Variants in COL19A1 observed in about 807,000 individuals in gnomAD.
COL19A1 encodes collagen alpha-1(XIX) chain.
A neutral mutation model predicts 190.2 loss-of-function variants in COL19A1; 159 were observed. The observed-to-expected ratio is 0.84, with a 90% CI of 0.73 to 0.95. The LOEUF is 0.95. Among genes scored for constraint, COL19A1 ranks in the 40% least tolerant of loss-of-function variants. COL19A1 has a pLI of 0.00. For synonymous variants in COL19A1, 509 were observed against 458.9 expected (o/e 1.11, Z -1.39); for missense variants, 1,418 against 1,431.9 (o/e 0.99, Z 0.16).
chr6:70,207,316 C>T lies in COL19A1; in HGVS notation c.*42C>T. 6.3e-7 allele frequency: 1 copy of T among 1,586,182 alleles called. No homozygotes were observed. The highest frequency in any genetic ancestry group is 8.6e-7 in the Non-Finnish European group (1 of 1,165,622). The stretch of plus-strand genomic sequence containing the variant: ...CTTGGTTCCTGGTAACATTTCCTTG[C>T]CACTGGAGCTCTCTTAATACCGTCA... On this transcript the variant is annotated 3_prime_UTR_variant, in exon 51 of 51. Coordinates refer to ENST00000620364, the MANE Select transcript of COL19A1 (RefSeq NM_001858.6).
intron 14 of COL19A1, among the ~76,000 whole-genome samples, chr6:70,054,306 C>T (rs1429442095): frequency 2.0e-5 from 3 of 152,112 alleles, no homozygotes; most frequent in South Asian, 2.1e-4. Flanking sequence ...GCTGGAATTG[C>T]GCCACTGTAC....
intron 2 of COL19A1, chr6:69,890,704 G>A (rs985362812): frequency 6.6e-6 from 1 of 152,146 alleles, no homozygotes; most frequent in Non-Finnish European, 1.5e-5. Context: ...ACATTTAACT[G>A]GGAATCCTGT....
intron 49 of COL19A1, among the ~76,000 whole-genome samples, chr6:70,201,795 G>A (rs560635659): frequency 6.6e-6 from 1 of 152,230 alleles, no homozygotes; most frequent in Non-Finnish European, 1.5e-5. Context: ...CAGTACAGTA[G>A]GCATGCTGTA....
chr6:70,157,149 A>G (rs111499690), intron 34 of COL19A1, among the ~76,000 whole-genome samples: 301 of 152,242 alleles, frequency 2.0e-3, no homozygotes, highest in African/African-American at 6.6e-3. Flanking sequence ...GGGTACCACT[A>G]AACTCTGATT....
At chr6:70,045,186 G>T (rs1396345928) in intron 14 of COL19A1, among the ~76,000 whole-genome samples, 1 of 151,882 alleles carries the variant, frequency 6.6e-6, no homozygotes, top group Non-Finnish European at 1.5e-5. Flanking sequence ...GGTGGTGCAT[G>T]CCTGTAACCC....
intron 15 of COL19A1, among the ~76,000 whole-genome samples, chr6:70,072,548 C>A (rs893617735): frequency 6.6e-6 from 1 of 152,162 alleles, no homozygotes; most frequent in East Asian, 1.9e-4. Flanking sequence ...CTCTATCCTG[C>A]CCTGTCTTGC....
At position 70,144,630 on chromosome 6, in the gene COL19A1, G is replaced by T. The variant is rs532052258; in HGVS notation, c.1681-288G>T. Among the ~76,000 whole-genome samples, 16 of 152,254 alleles carry T rather than the reference G, an allele frequency of 1.1e-4. No individual in the cohort carries two copies. The South Asian group carries it at 3.1e-3, about 30-fold the overall frequency. ...GAGAATAACTTAAAGAAAACATAAA[G>T]ATCGTCTATAGAAATTTATTAATAG... On this transcript the variant is annotated intron_variant, in intron 24 of 50. Coordinates refer to ENST00000620364, the MANE Select transcript of COL19A1 (RefSeq NM_001858.6).
intron 49 of COL19A1, among the ~76,000 whole-genome samples, chr6:70,204,700 A>G (rs967180434): frequency 3.9e-5 from 6 of 152,042 alleles, no homozygotes; most frequent in Non-Finnish European, 8.8e-5. Context: ...ATTGCGTTAC[A>G]CTCTTGTTAA....
At chr6:70,065,821 A>G (rs982537307) in intron 14 of COL19A1, among the ~76,000 whole-genome samples, 1 of 152,252 alleles carries the variant, frequency 6.6e-6, no homozygotes, top group African/African-American at 2.4e-5. Context: ...CACTTCTCAA[A>G]AGAAGATATT....
At chr6:70,000,618 G>A (rs2144955) in intron 11 of COL19A1, among the ~76,000 whole-genome samples, 128,197 of 152,212 alleles carry the variant, frequency 0.84, 54,662 homozygotes, top group East Asian at 1. Context: ...TCTAATGATC[G>A]GTGATGTTGA....
At chr6:70,115,759 A>C (rs1389663170) in intron 16 of COL19A1, among the ~76,000 whole-genome samples, 1 of 151,266 alleles carries the variant, frequency 6.6e-6, no homozygotes, top group Non-Finnish European at 1.5e-5. Context: ...GGCTTTAGGA[A>C]TCACATTTTA....
In COL19A1 at chr6:70,048,275, C is replaced by T. The variant is rs566323137; in HGVS notation, c.1170+12336C>T. 2.1e-4 allele frequency among the ~76,000 whole-genome samples: 32 copies of T among 152,176 alleles called. No individual in the cohort carries two copies. In the East Asian group the frequency reaches 4.1e-3, roughly 19 times the overall value. The stretch of plus-strand genomic sequence containing the variant: ...TCAATTAGCAGATGCCCCTAATGCA[C>T]AAGAGATCATATAGTGTTCACATAA... On this transcript the variant is annotated intron_variant, in intron 14 of 50. Transcript: ENST00000620364.
intron 9 of COL19A1, among the ~76,000 whole-genome samples, chr6:69,949,233 T>A (rs1296534947): frequency 6.6e-6 from 1 of 151,816 alleles, no homozygotes; most frequent in East Asian, 1.9e-4. Context: ...AGACCGTACT[T>A]AGTGGTTAAT....
At chr6:69,896,565 AAAAAAAT>A (rs1258447443) in intron 2 of COL19A1, among the ~76,000 whole-genome samples, 2 of 149,522 alleles carry the variant, frequency 1.3e-5, no homozygotes, top group African/African-American at 5.0e-5. Context: ...AAAAAAAAAA[AAAAAAAT>A]ACTGCCAAAC....
At chr6:69,893,660 C>G (rs777946534) in intron 2 of COL19A1, among the ~76,000 whole-genome samples, 2 of 152,182 alleles carry the variant, frequency 1.3e-5, no homozygotes, top group Non-Finnish European at 2.9e-5. Context: ...CTTGAAATTG[C>G]CCTGCAAAAT....
intron 12 of COL19A1, among the ~76,000 whole-genome samples, chr6:70,026,129 A>G (rs1778719750): frequency 6.6e-6 from 1 of 152,266 alleles, no homozygotes. Flanking sequence ...AAATATTTGA[A>G]TAAAACTAGA....
At chr6:70,049,332 C>T (rs1185460798) in intron 14 of COL19A1, among the ~76,000 whole-genome samples, 1 of 151,708 alleles carries the variant, frequency 6.6e-6, no homozygotes, top group African/African-American at 2.4e-5. Context: ...GGGCAAAAGA[C>T]ATGTAAGTGA....
intron 4 of COL19A1, 125 bp downstream of exon 4, chr6:69,900,463 G>T (rs974675771): frequency 1.1e-5 from 5 of 472,640 alleles, no homozygotes; most frequent in Non-Finnish European, 1.9e-5. Flanking sequence ...GAATGCAGTG[G>T]TAAACGTGTT....
rs556034985 is a variant in COL19A1, at chr6:70,010,410, C to T, written c.1027-13217C>T. ...GGTCTACAGCTCCCAGCGTGAGCGA[C>T]GCAGAAGACGGTGATTTCTGCATTT... On this transcript the variant is annotated intron_variant, in intron 11 of 50. Transcript: ENST00000620364. Among the ~76,000 whole-genome samples the T allele has an allele frequency of 9.4e-4, 135 of 144,156 alleles. 14 individuals are homozygous for T. The highest frequency in any genetic ancestry group is 2.3e-3 in the South Asian group (10 of 4,408). The allele number at this position is 144,156 out of a possible 152,430, so 94.6% of individuals were successfully genotyped here.
Sources: allele counts gnomAD v4.1 joint callset (sites outside exome capture counted in the v4.1 genomes callset), GRCh38; gene constraint gnomAD v4.1.1; transcripts MANE v1.5; gene names NCBI Gene and HGNC (gene_info 2026-07-23, HGNC 2026-07-21).